The following DCLK1 variants were observed in gnomAD, a reference collection of about 807,000 sequenced individuals.
DCLK1 encodes the protein serine/threonine-protein kinase DCLK1.
DCLK1 carries 16 observed loss-of-function variants against 86.2 expected under a neutral mutation model. That is an observed-to-expected ratio of 0.19 (90% CI 0.13 to 0.28). The LOEUF (loss-of-function observed/expected upper bound fraction) is 0.28, where lower values mean the gene tolerates loss of function less well. DCLK1 is among the 10% of genes least tolerant of loss of function. The pLI is 1.00. For missense variants in DCLK1, 590 were observed against 940.2 expected (o/e 0.63, Z 4.87); for synonymous variants, 369 against 370.5 (o/e 1.00, Z 0.05).
intron 4 of DCLK1, among the ~76,000 whole-genome samples, chr13:35,916,483 CA>C (rs1189191223): frequency 6.6e-6 from 1 of 152,136 alleles, no homozygotes; most frequent in Non-Finnish European, 1.5e-5. Context: ...GTAAGAAGCC[CA>C]GCCCTGCCTT....
At chr13:35,974,014 CAAAA>C (rs768212366) in intron 3 of DCLK1, among the ~76,000 whole-genome samples, 2 of 150,732 alleles carry the variant, frequency 1.3e-5, no homozygotes, top group Non-Finnish European at 3.0e-5. Context: ...CATTTTTCTG[CAAAA>C]AAATACAGGA....
chr13:35,886,123 T>C (rs1043231280), intron 4 of DCLK1, among the ~76,000 whole-genome samples: 2 of 151,004 alleles, frequency 1.3e-5, no homozygotes, highest in Non-Finnish European at 2.9e-5. Context: ...GCGATTCTCC[T>C]GCCTCAGCCT....
chr13:35,821,170 A>C (rs1316971942), intron 11 of DCLK1, among the ~76,000 whole-genome samples: 2 of 152,198 alleles, frequency 1.3e-5, no homozygotes, highest in Non-Finnish European at 2.9e-5. Flanking sequence ...CATGTTCCTT[A>C]CCTATGAAAT....
intron 5 of DCLK1, among the ~76,000 whole-genome samples, chr13:35,868,469 C>T (rs1311749319): frequency 6.6e-6 from 1 of 152,160 alleles, no homozygotes; most frequent in African/African-American, 2.4e-5. Flanking sequence ...ATCTGCCCCA[C>T]ACTTGTTTTT....
At chr13:35,899,503 C>G (rs1258773805) in intron 4 of DCLK1, among the ~76,000 whole-genome samples, 1 of 151,990 alleles carries the variant, frequency 6.6e-6, no homozygotes, top group Non-Finnish European at 1.5e-5. Flanking sequence ...AGAAAAAAAG[C>G]CTTATAAAAA....
At chr13:35,855,310 G>A (rs887219552) in intron 5 of DCLK1, among the ~76,000 whole-genome samples, 4 of 152,178 alleles carry the variant, frequency 2.6e-5, no homozygotes, top group African/African-American at 9.7e-5. Context: ...TTTTCTCTAA[G>A]TAACATCATC....
At chr13:35,964,738 C>T (rs1339060893) in intron 3 of DCLK1, among the ~76,000 whole-genome samples, 1 of 148,560 alleles carries the variant, frequency 6.7e-6, no homozygotes, top group Non-Finnish European at 1.5e-5. Flanking sequence ...TCTTTTTGTA[C>T]AGCCCTTGAG....
At chr13:36,056,906 A>ATATATATAT (rs1555359541) in intron 3 of DCLK1, among the ~76,000 whole-genome samples, 27 of 130,174 alleles carry the variant, frequency 2.1e-4, no homozygotes, top group Middle Eastern at 4.3e-3. Flanking sequence ...AAAAAAAAAA[A>ATATATATAT]ATATATATAT....
At chr13:35,924,021 A>G (rs1039975629) in intron 4 of DCLK1, among the ~76,000 whole-genome samples, 1 of 152,066 alleles carries the variant, frequency 6.6e-6, no homozygotes, top group Non-Finnish European at 1.5e-5. Context: ...TTACCACGTC[A>G]CCCACCATTT....
chr13:36,018,397 T>C (rs1339764278), intron 3 of DCLK1, among the ~76,000 whole-genome samples: 1 of 152,230 alleles, frequency 6.6e-6, no homozygotes, highest in Non-Finnish European at 1.5e-5. Context: ...AGTTTATAAC[T>C]TGAAGTTAAT....
chr13:36,026,618 AC>A (rs1882044056), intron 3 of DCLK1, among the ~76,000 whole-genome samples: 1 of 152,210 alleles, frequency 6.6e-6, no homozygotes, highest in South Asian at 2.1e-4. Flanking sequence ...AAAAATGTAA[AC>A]CCCTTTTAAT....
At chr13:35,940,670 G>C (rs533548259) in intron 4 of DCLK1, among the ~76,000 whole-genome samples, 1 of 152,240 alleles carries the variant, frequency 6.6e-6, no homozygotes, top group Admixed American at 6.5e-5. Context: ...AGTCTGATTG[G>C]TTCTTCTACA....
At chr13:35,830,028 C>T (rs1272941318) in intron 8 of DCLK1, among the ~76,000 whole-genome samples, 1 of 152,144 alleles carries the variant, frequency 6.6e-6, no homozygotes, top group Non-Finnish European at 1.5e-5. Flanking sequence ...ACTAGACCAC[C>T]AGCAAGACTG....
chr13:35,850,429 G>T, intron 6 of DCLK1: 1 of 1,076,476 alleles, frequency 9.3e-7, no homozygotes, highest in Non-Finnish European at 1.1e-6. Flanking sequence ...ACTCAATATT[G>T]GGTCCGTGTA....
chr13:35,886,377 G>A (rs1566586161), intron 4 of DCLK1, among the ~76,000 whole-genome samples: 1 of 152,134 alleles, frequency 6.6e-6, no homozygotes, highest in Non-Finnish European at 1.5e-5. Flanking sequence ...AGCCAATCGT[G>A]TTTCTGGGCA....
At chr13:35,918,892 G>GGTTTTTTTTTTTTT (rs1875600883) in intron 4 of DCLK1, among the ~76,000 whole-genome samples, 5 of 76,310 alleles carry the variant, frequency 6.6e-5, no homozygotes, top group East Asian at 7.6e-4. Context: ...TTCTGAGTGT[G>GGTTTTTTTTTTTTT]TTTTTTTTTT....
chr13:35,786,244 T>C (rs977834091), intron 16 of DCLK1, among the ~76,000 whole-genome samples: 1 of 152,220 alleles, frequency 6.6e-6, no homozygotes, highest in African/African-American at 2.4e-5. Context: ...GTAATTTAAT[T>C]TTCCAGAGGT....
chr13:35,950,571 C>T (rs9315375), intron 3 of DCLK1, among the ~76,000 whole-genome samples: 5 of 152,248 alleles, frequency 3.3e-5, no homozygotes, highest in East Asian at 1.9e-4. Flanking sequence ...TTAAAAGATT[C>T]GTTTTATGGA....
At chr13:35,996,466 C>T (rs1275183990) in intron 3 of DCLK1, among the ~76,000 whole-genome samples, 1 of 152,132 alleles carries the variant, frequency 6.6e-6, no homozygotes, top group Non-Finnish European at 1.5e-5. Context: ...ATGAGATTAA[C>T]ATTTAAATTG....
Sources: gnomAD v4.1 joint callset for allele counts (sites outside exome capture counted in the v4.1 genomes callset) on GRCh38, gnomAD v4.1.1 for gene constraint, MANE v1.5 for transcripts, NCBI Gene and HGNC (gene_info 2026-07-23, HGNC 2026-07-21) for gene names.